Variants in NRG1 observed in about 807,000 individuals in gnomAD.
The protein encoded by NRG1 is pro-neuregulin-1, membrane-bound isoform.
In NRG1, 18 loss-of-function variants were observed where a neutral mutation model predicts 63.8. That is an observed-to-expected ratio of 0.28 (90% CI 0.19 to 0.42). The LOEUF is 0.42. Ranked by LOEUF, NRG1 falls within the 10% of genes least tolerant of loss-of-function variation. The probability of loss-of-function intolerance (pLI) is 1.00; values close to 1 mark genes in which losing one functional copy is unlikely to be tolerated. For synonymous variants in NRG1, 302 were observed against 301.3 expected (o/e 1.00, Z -0.02); for missense variants, 762 against 814.7 (o/e 0.94, Z 0.79).
At chr8:32,094,627 T>C (rs925795505) in intron 1 of NRG1, among the ~76,000 whole-genome samples, 5 of 152,190 alleles carry the variant, frequency 3.3e-5, no homozygotes, top group African/African-American at 1.2e-4. Context: ...TATAATGAGT[T>C]CTATAGTGAA....
intron 1 of NRG1, among the ~76,000 whole-genome samples, chr8:31,823,246 C>G (rs1467302439): frequency 6.7e-6 from 1 of 150,064 alleles, no homozygotes; most frequent in Non-Finnish European, 1.5e-5. Flanking sequence ...CATACTGATC[C>G]TTGACCTAAT....
chr8:32,517,743 T>A (rs1490532069), intron 1 of NRG1, among the ~76,000 whole-genome samples: 1 of 152,210 alleles, frequency 6.6e-6, no homozygotes, highest in Non-Finnish European at 1.5e-5. Flanking sequence ...ATTTATTATA[T>A]GTCATGTATG....
chr8:32,320,152 CTAT>C (rs1440155597), intron 1 of NRG1, among the ~76,000 whole-genome samples: 3 of 152,140 alleles, frequency 2.0e-5, no homozygotes, highest in Non-Finnish European at 2.9e-5. Context: ...ATACATCATA[CTAT>C]TGTTATGATT....
chr8:32,303,038 C>T (rs1279447204), intron 1 of NRG1, among the ~76,000 whole-genome samples: 2 of 151,632 alleles, frequency 1.3e-5, no homozygotes, highest in South Asian at 2.1e-4. Flanking sequence ...AAAAATTAGC[C>T]GGGCGTGGTG....
At chr8:32,541,967 G>C (rs1261748992) in intron 1 of NRG1, among the ~76,000 whole-genome samples, 3 of 152,092 alleles carry the variant, frequency 2.0e-5, no homozygotes, top group Non-Finnish European at 4.4e-5. Flanking sequence ...AATGACGAGA[G>C]GAAGCTTACC....
chr8:32,186,730 G>C (rs1428600106), intron 1 of NRG1, among the ~76,000 whole-genome samples: 2 of 152,144 alleles, frequency 1.3e-5, no homozygotes, highest in African/African-American at 4.8e-5. Flanking sequence ...AGATTCAGAG[G>C]TACAGTAAAG....
intron 1 of NRG1, among the ~76,000 whole-genome samples, chr8:32,396,720 T>C (rs536141097): frequency 6.6e-6 from 1 of 152,322 alleles, no homozygotes; most frequent in Non-Finnish European, 1.5e-5. Flanking sequence ...AGTACTGGGA[T>C]TACAGGCATG....
At chr8:31,904,178 T>C (rs1261770909) in intron 1 of NRG1, among the ~76,000 whole-genome samples, 1 of 152,152 alleles carries the variant, frequency 6.6e-6, no homozygotes, top group Non-Finnish European at 1.5e-5. Context: ...CCTCCGACCA[T>C]GGAAGTTTGG....
intron 1 of NRG1, among the ~76,000 whole-genome samples, chr8:31,960,654 G>T (rs943694953): frequency 2.0e-5 from 3 of 152,226 alleles, no homozygotes; most frequent in Non-Finnish European, 4.4e-5. Context: ...TTGGCAGCTT[G>T]TTGTCAAAGA....
At chr8:32,299,177 C>A (rs2129474959) in intron 1 of NRG1, among the ~76,000 whole-genome samples, 1 of 152,182 alleles carries the variant, frequency 6.6e-6, no homozygotes, top group African/African-American at 2.4e-5. Flanking sequence ...AACTAGTCTT[C>A]CATGGTAATA....
chr8:32,025,744 G>T (rs577295688), intron 1 of NRG1, among the ~76,000 whole-genome samples: 2 of 151,894 alleles, frequency 1.3e-5, no homozygotes, highest in African/African-American at 4.8e-5. Context: ...TCAGGAGATC[G>T]AGACCATCCT....
At chr8:31,675,071 A>G (rs1269694739) in intron 1 of NRG1, among the ~76,000 whole-genome samples, 1 of 152,198 alleles carries the variant, frequency 6.6e-6, no homozygotes, top group Non-Finnish European at 1.5e-5. Context: ...GGCTGGGCAC[A>G]GTGGCTCATG....
intron 1 of NRG1, among the ~76,000 whole-genome samples, chr8:31,816,849 T>C (rs1236926568): frequency 1.3e-5 from 2 of 152,218 alleles, no homozygotes; most frequent in Non-Finnish European, 2.9e-5. Context: ...CTGACATTTT[T>C]CCTGACATCT....
intron 1 of NRG1, among the ~76,000 whole-genome samples, chr8:31,731,663 ATATG>A (rs1814083522): frequency 6.6e-6 from 1 of 152,184 alleles, no homozygotes; most frequent in Non-Finnish European, 1.5e-5. Context: ...CAGTTAATAT[ATATG>A]TACTAAATAA....
intron 1 of NRG1, among the ~76,000 whole-genome samples, chr8:32,103,004 G>A (rs1050364806): frequency 2.0e-5 from 3 of 151,908 alleles, no homozygotes; most frequent in African/African-American, 7.3e-5. Context: ...GGAAAATGGG[G>A]TATCCATCTC....
chr8:32,297,193 A>G (rs190591159), intron 1 of NRG1, among the ~76,000 whole-genome samples: 2 of 152,218 alleles, frequency 1.3e-5, no homozygotes, highest in Non-Finnish European at 2.9e-5. Context: ...TCTAAAATTT[A>G]ATTTAAAAAT....
At chr8:31,943,512 T>A (rs981794976) in intron 1 of NRG1, among the ~76,000 whole-genome samples, 1 of 146,500 alleles carries the variant, frequency 6.8e-6, no homozygotes, top group South Asian at 2.1e-4. Flanking sequence ...AATCACCCCC[T>A]GTTCCCCAAA....
At chr8:32,428,342 C>CTTTTTTT (rs11415830) in intron 1 of NRG1, among the ~76,000 whole-genome samples, 3 of 146,972 alleles carry the variant, frequency 2.0e-5, no homozygotes, top group Non-Finnish European at 3.0e-5. Flanking sequence ...TGAGTGAATT[C>CTTTTTTT]TTTTTTTTTT....
At chr8:32,389,588 C>T (rs4733324) in intron 1 of NRG1, among the ~76,000 whole-genome samples, 137,839 of 152,094 alleles carry the variant, frequency 0.91, 63,174 homozygotes, top group Non-Finnish European at 0.95. Context: ...GTATTGCCAT[C>T]ACCCTAGTTC....
Sources: allele counts gnomAD v4.1 joint callset (sites outside exome capture counted in the v4.1 genomes callset), GRCh38; gene constraint gnomAD v4.1.1; transcripts MANE v1.5; gene names NCBI Gene and HGNC (gene_info 2026-07-23, HGNC 2026-07-21).